Variants in RPL13 observed in about 807,000 individuals in gnomAD.
The protein encoded by RPL13 is ribosomal protein L13, also known as large ribosomal subunit protein eL13.
Under a neutral mutation model 21.4 loss-of-function variants are expected in RPL13, and 1 was observed. That is an observed-to-expected ratio of 0.05 (90% CI 0.02 to 0.22). The LOEUF is 0.22. Ranked by LOEUF, RPL13 falls within the 10% of genes least tolerant of loss-of-function variation. The pLI, the probability that RPL13 is intolerant of heterozygous loss-of-function variation, is 1.00. For synonymous variants in RPL13, 143 were observed against 120.5 expected (o/e 1.19, Z -1.23); for missense variants, 289 against 303.0 (o/e 0.95, Z 0.34).
intron 3 of RPL13, 92 bp downstream of exon 3, chr16:89,561,460 C>A: frequency 6.2e-7 from 1 of 1,611,810 alleles, no homozygotes; most frequent in African/African-American, 1.3e-5. Context: ...AATCGCTGTA[C>A]GGCCTTGATG....
downstream of RPL13, chr16:89,565,026 A>G (rs1370168541): frequency 1.3e-5 from 2 of 152,302 alleles, no homozygotes; most frequent in Admixed American, 6.5e-5. Context: ...GGGTTCAGGT[A>G]TCATCTGTGC....
In RPL13 at chr16:89,561,066, G is replaced by A; in HGVS notation, c.104+3G>A. The A allele has an allele frequency of 6.2e-7, 1 of 1,603,630 alleles. No homozygotes were observed. The highest frequency in any genetic ancestry group is 8.5e-7 in the Non-Finnish European group (1 of 1,176,638). On this transcript the variant is annotated splice_donor_region_variant and intron_variant, in intron 2 of 5. Coordinates refer to ENST00000311528, the MANE Select transcript of RPL13 (RefSeq NM_000977.4). ...CAGCCGGCCCGTAAGATCCGCAGGT[G>A]AGCCCTGCGCTCGGGGCTGCCCCTG...
At chr16:89,561,992 C>G (rs1237028928) in intron 4 of RPL13, 1 of 592,838 alleles carries the variant, frequency 1.7e-6, no homozygotes, top group Non-Finnish European at 2.9e-6. Flanking sequence ...CCCTAAAATG[C>G]TTCGTATTCC....
At chr16:89,565,059 C>G (rs976371262), downstream of RPL13, 1 of 152,184 alleles carries the variant, frequency 6.6e-6, no homozygotes, top group African/African-American at 2.4e-5. Context: ...GTAGTCTGCA[C>G]TGAACCTGCC....
chr16:89,561,821 C>G (rs2058747294), intron 4 of RPL13, 70 bp downstream of exon 4: 2 of 1,520,938 alleles, frequency 1.3e-6, no homozygotes, highest in African/African-American at 2.7e-5. Context: ...ATCAGTGACA[C>G]CGGTCCCTGG....
At position 89,563,174 on chromosome 16, in the gene RPL13, C is replaced by T; in HGVS notation, c.*132C>T. 1.1e-6 allele frequency: 1 copy of T among 875,150 alleles called. No individual in the cohort carries two copies. Among genetic ancestry groups the T allele is most frequent in the Non-Finnish European group, 1.6e-6 (1 of 620,892 alleles). 54.2% of individuals were successfully genotyped at this position (875,150 alleles called of 1,614,324 possible). A position where few individuals can be genotyped will look rare whatever the true frequency, so the allele number is the denominator to read the frequency against. ...CTCCTGCCAGGGGATTTGGGGCTTT[C>T]TTGAAAGACAGTCCAAGCCCTGGAT... On this transcript the variant is annotated 3_prime_UTR_variant, in exon 6 of 6. Coordinates refer to ENST00000311528, the MANE Select transcript of RPL13 (RefSeq NM_000977.4).
rs1211958184 is a variant in RPL13 at position 89,560,934 on chromosome 16, C to T, written c.-20-6C>T. ...GGCCTCTCACTCGCTCCCCTCTCGT[C>T]CGCAGCCGCAGGGCCGTAGGCAGCC... On this transcript the variant is annotated splice_polypyrimidine_tract_variant and splice_region_variant and intron_variant, in intron 1 of 5. Transcript: ENST00000311528. 4.4e-6 allele frequency: 7 copies of T among 1,585,894 alleles called. No homozygotes were observed. Among genetic ancestry groups the T allele is most frequent in the Admixed American group, 1.7e-5 (1 of 57,620 alleles).
At chr16:89,560,860 C>T (rs1229642057) in intron 1 of RPL13, 80 bp from the exon 2 acceptor site, 5 of 1,046,494 alleles carry the variant, frequency 4.8e-6, no homozygotes, top group Non-Finnish European at 6.9e-6. Flanking sequence ...ACGGCCCAGT[C>T]TGGAGGGTTC....
chr16:89,561,103 C>G (rs1442366104), intron 2 of RPL13, 40 bp downstream of exon 2: 1 of 1,563,852 alleles, frequency 6.4e-7, no homozygotes, highest in Non-Finnish European at 8.6e-7. Context: ...GGCTCGTGCC[C>G]GCGGCTGCGC....
intron 5 of RPL13, 62 bp from the exon 6 acceptor site, chr16:89,562,822 C>A (rs779889475): frequency 2.1e-6 from 3 of 1,459,328 alleles, no homozygotes; most frequent in East Asian, 5.2e-5. Context: ...GTTCTCCTGA[C>A]GCTTGGTTGT....
intron 2 of RPL13, 48 bp downstream of exon 2, chr16:89,561,111 C>T (rs1473526183): frequency 1.3e-6 from 2 of 1,557,056 alleles, no homozygotes; most frequent in African/African-American, 1.4e-5. Flanking sequence ...CCCGCGGCTG[C>T]GCCTTGGCTT....
rs760356367 is a variant in RPL13, at chr16:89,561,039, A to G, written c.80A>G (p.Asn27Ser). 4.4e-6 allele frequency: 7 copies of G among 1,606,484 alleles called. No homozygotes were observed. The highest frequency in any genetic ancestry group is 4.1e-5 in the African/African-American group (3 of 73,706). The change falls in exon 2 of 6, where the codon AAC becomes AGC. Residue 27 changes from asparagine to serine, a missense_variant. By Grantham distance (46) the Asn-to-Ser change is conservative (BLOSUM62 1). Transcript: ENST00000311528. ...DWQRRVATWF[N>S]QPARKIRRRK... Reference sequence around the variant, plus strand: ...CAGCGGCGCGTGGCCACGTGGTTCAACCAGCCGGCCCGTAAGATCCGCAGG... The same window carrying G: ...CAGCGGCGCGTGGCCACGTGGTTCAGCCAGCCGGCCCGTAAGATCCGCAGG...
At chr16:89,561,145 G>A (rs73264924) in intron 2 of RPL13, 82 bp downstream of exon 2, 7 of 1,518,034 alleles carry the variant, frequency 4.6e-6, no homozygotes, top group Non-Finnish European at 6.2e-6. Context: ...GCCAGGGCGG[G>A]GGGCGCTGTC....
In RPL13 at chr16:89,563,248, C is replaced by A; in HGVS notation, c.*206C>A. The A allele has an allele frequency of 2.3e-6, 1 of 437,524 alleles. No individual in the cohort carries two copies. Among genetic ancestry groups the A allele is most frequent in the Non-Finnish European group, 3.9e-6 (1 of 256,564 alleles). The allele number at this position is 437,524 out of a possible 1,614,324, so 27.1% of individuals were successfully genotyped here. A position where few individuals can be genotyped will look rare whatever the true frequency, so the allele number is the denominator to read the frequency against. ...GCACTGTTGGTTGTTTGGTTAGTGA[C>A]TGATGTAAAACGGTTTTCTTGTGGG... is the stretch of plus-strand genomic sequence containing the variant. On this transcript the variant is annotated 3_prime_UTR_variant, in exon 6 of 6. Transcript: ENST00000311528.
At chr16:89,565,344 A>C (rs1330948097), downstream of RPL13, 1 of 151,510 alleles carries the variant, frequency 6.6e-6, no homozygotes, top group Non-Finnish European at 1.5e-5. Context: ...CCTACCTGAA[A>C]TGCAGCTAGT....
chr16:89,562,841 C>T (rs1325748633), intron 5 of RPL13, 43 bp from the exon 6 acceptor site: 2 of 1,483,758 alleles, frequency 1.3e-6, no homozygotes, highest in African/African-American at 1.5e-5. Context: ...GTTCCCTTGC[C>T]CTTTGGTGCA....
At chr16:89,562,299 G>A (rs754698985) in intron 4 of RPL13, 36 bp from the exon 5 acceptor site, 20 of 1,610,244 alleles carry the variant, frequency 1.2e-5, no homozygotes, top group Admixed American at 1.0e-4. Context: ...GCAGCAGTGC[G>A]GCCAACCCCA....
chr16:89,561,103 C>A, intron 2 of RPL13, 40 bp downstream of exon 2: 1 of 1,563,852 alleles, frequency 6.4e-7, no homozygotes, highest in Non-Finnish European at 8.6e-7. Flanking sequence ...GGCTCGTGCC[C>A]GCGGCTGCGC....
chr16:89,564,752 G>C (rs1250321782), downstream of RPL13: 1 of 152,506 alleles, frequency 6.6e-6, no homozygotes, highest in Non-Finnish European at 1.5e-5. Flanking sequence ...ATTCCAACCT[G>C]GCTGAAGACT....
Sources: gnomAD v4.1 joint callset for allele counts on GRCh38, gnomAD v4.1.1 for gene constraint, MANE v1.5 for transcripts, NCBI Gene and HGNC (gene_info 2026-07-23, HGNC 2026-07-21) for gene names.